Variants in PTPRK observed in about 807,000 individuals in gnomAD.
PTPRK encodes receptor-type tyrosine-protein phosphatase kappa.
PTPRK carries 75 observed loss-of-function variants against 178.0 expected under a neutral mutation model. That is an observed-to-expected ratio of 0.42 (90% CI 0.35 to 0.51). The LOEUF (loss-of-function observed/expected upper bound fraction) is 0.51, where lower values mean the gene tolerates loss of function less well. Among genes scored for constraint, PTPRK ranks in the 20% least tolerant of loss-of-function variants. The pLI, the probability that PTPRK is intolerant of heterozygous loss-of-function variation, is 0.02. For missense variants in PTPRK, 1,441 were observed against 1,797.8 expected (o/e 0.80, Z 3.59); for synonymous variants, 637 against 620.6 (o/e 1.03, Z -0.39).
intron 2 of PTPRK, among the ~76,000 whole-genome samples, chr6:128,373,479 T>C (rs1836588590): frequency 6.6e-6 from 1 of 152,180 alleles, no homozygotes; most frequent in African/African-American, 2.4e-5. Flanking sequence ...TCAAACCAAA[T>C]ATACAGAAGT....
intron 2 of PTPRK, among the ~76,000 whole-genome samples, chr6:128,364,542 T>G (rs185723041): frequency 3.9e-5 from 6 of 152,184 alleles, no homozygotes; most frequent in African/African-American, 1.4e-4. Context: ...TGGTAACATT[T>G]ACAAAGGAAA....
intron 1 of PTPRK, among the ~76,000 whole-genome samples, chr6:128,508,431 G>A (rs1259046847): frequency 6.6e-6 from 1 of 150,576 alleles, no homozygotes; most frequent in African/African-American, 2.4e-5. Flanking sequence ...AGCTTATCAC[G>A]AAAATTTTTA....
chr6:128,240,994 T>G (rs1316099151), intron 4 of PTPRK, among the ~76,000 whole-genome samples: 1 of 152,210 alleles, frequency 6.6e-6, no homozygotes, highest in Non-Finnish European at 1.5e-5. Context: ...CAATCCACCA[T>G]TTTCTGTGCA....
chr6:128,503,119 A>C (rs144388656), intron 1 of PTPRK, among the ~76,000 whole-genome samples: 1 of 152,184 alleles, frequency 6.6e-6, no homozygotes, highest in African/African-American at 2.4e-5. Flanking sequence ...TCAGCTACTC[A>C]GGAGGATGAG....
At chr6:128,499,791 C>T (rs1423142419) in intron 1 of PTPRK, among the ~76,000 whole-genome samples, 1 of 152,108 alleles carries the variant, frequency 6.6e-6, no homozygotes, top group Non-Finnish European at 1.5e-5. Flanking sequence ...CTTCTCTCTT[C>T]CTCTACAAAA....
In PTPRK at chr6:128,343,819, C is replaced by T. The variant is rs73589543; in HGVS notation, c.224-21509G>A. Among the ~76,000 whole-genome samples the T allele has an allele frequency of 3.9e-3, 588 of 152,252 alleles. 4 individuals are homozygous for T. The highest frequency in any genetic ancestry group is 0.013 in the African/African-American group (547 of 41,556). The stretch of plus-strand genomic sequence containing the variant: ...ATACAAAGCCAAAGTCCTTATATCT[C>T]CCAAGTCCAGCTGAAATAAACACGA... On this transcript the variant is annotated intron_variant, in intron 2 of 29. Transcript: ENST00000368226.
At chr6:127,996,432 C>T (rs1430617683) in intron 17 of PTPRK, among the ~76,000 whole-genome samples, 1 of 151,986 alleles carries the variant, frequency 6.6e-6, no homozygotes. Flanking sequence ...AGGATGATGA[C>T]AATTTCAGAA....
At chr6:128,295,958 C>A (rs34045302) in intron 3 of PTPRK, among the ~76,000 whole-genome samples, 1 of 152,072 alleles carries the variant, frequency 6.6e-6, no homozygotes, top group African/African-American at 2.4e-5. Flanking sequence ...AGAGTGTGCT[C>A]TAAAGAACAT....
chr6:128,304,889 A>G (rs1017651506), intron 3 of PTPRK, among the ~76,000 whole-genome samples: 8 of 152,224 alleles, frequency 5.3e-5, no homozygotes, highest in African/African-American at 1.9e-4. Context: ...GTGAGAAACA[A>G]GGCACTCTAA....
At chr6:128,289,544 T>C (rs1259603322) in intron 3 of PTPRK, among the ~76,000 whole-genome samples, 1 of 152,148 alleles carries the variant, frequency 6.6e-6, no homozygotes, top group Non-Finnish European at 1.5e-5. Flanking sequence ...ATTAAACCTC[T>C]TTAAAAAATC....
At chr6:128,459,978 G>T (rs1336135494) in intron 1 of PTPRK, among the ~76,000 whole-genome samples, 2 of 152,052 alleles carry the variant, frequency 1.3e-5, no homozygotes, top group African/African-American at 4.8e-5. Flanking sequence ...AGAAAGAAGT[G>T]GGGAGGTACC....
At chr6:128,471,836 A>G (rs1370179377) in intron 1 of PTPRK, among the ~76,000 whole-genome samples, 1 of 151,994 alleles carries the variant, frequency 6.6e-6, no homozygotes, top group Non-Finnish European at 1.5e-5. Flanking sequence ...GAATATCGTC[A>G]TGCTGATTAT....
intron 13 of PTPRK, among the ~76,000 whole-genome samples, chr6:128,011,085 A>G (rs1189397326): frequency 6.6e-6 from 1 of 151,316 alleles, no homozygotes; most frequent in African/African-American, 2.4e-5. Flanking sequence ...CAGGTGGAAT[A>G]TATTACAAAG....
At chr6:128,433,033 T>C (rs894768428) in intron 1 of PTPRK, among the ~76,000 whole-genome samples, 3 of 152,236 alleles carry the variant, frequency 2.0e-5, no homozygotes, top group African/African-American at 4.8e-5. Context: ...GTACATGTGA[T>C]ATTTAGATTC....
intron 1 of PTPRK, among the ~76,000 whole-genome samples, chr6:128,408,897 C>A (rs1384696641): frequency 6.6e-6 from 1 of 152,118 alleles, no homozygotes; most frequent in Non-Finnish European, 1.5e-5. Context: ...TGTGGAGAAT[C>A]TAAATACTCA....
At chr6:128,166,241 A>G (rs1174168851) in intron 7 of PTPRK, among the ~76,000 whole-genome samples, 1 of 151,658 alleles carries the variant, frequency 6.6e-6, no homozygotes, top group Non-Finnish European at 1.5e-5. Flanking sequence ...CATAATCCCA[A>G]CAGAAAATTT....
intron 3 of PTPRK, among the ~76,000 whole-genome samples, chr6:128,269,912 T>G (rs1356112767): frequency 2.6e-5 from 4 of 152,134 alleles, no homozygotes; most frequent in Non-Finnish European, 5.9e-5. Flanking sequence ...TCCTCTTATA[T>G]AACGTGCTGC....
chr6:128,162,106 A>G (rs1798790272), intron 7 of PTPRK, among the ~76,000 whole-genome samples: 1 of 151,664 alleles, frequency 6.6e-6, no homozygotes, highest in Non-Finnish European at 1.5e-5. Flanking sequence ...AATAACAGTA[A>G]GTGGCAATAT....
chr6:128,274,345 A>G (rs1489549926), intron 3 of PTPRK, among the ~76,000 whole-genome samples: 2 of 152,146 alleles, frequency 1.3e-5, no homozygotes, highest in Admixed American at 6.6e-5. Flanking sequence ...CCAGCACTTA[A>G]AAACCCTCAC....
Sources: gnomAD v4.1 joint callset for allele counts (sites outside exome capture counted in the v4.1 genomes callset) on GRCh38, gnomAD v4.1.1 for gene constraint, MANE v1.5 for transcripts, NCBI Gene and HGNC (gene_info 2026-07-23, HGNC 2026-07-21) for gene names.